HOMER1: variants seen among roughly 807,000 people sequenced by gnomAD.
HOMER1 encodes the protein homer protein homolog 1.
In HOMER1, 3 loss-of-function variants were observed where a neutral mutation model predicts 48.9. The ratio of observed to expected loss-of-function variants is 0.06; its 90% confidence interval spans 0.03 to 0.16. The LOEUF is 0.16. HOMER1 is among the 10% of genes least tolerant of loss of function. HOMER1 has a pLI of 1.00. For synonymous variants in HOMER1, 134 were observed against 146.4 expected (o/e 0.92, Z 0.61); for missense variants, 247 against 411.4 (o/e 0.60, Z 3.46).
At chr5:79,506,849 CAA>C (rs895326142) in intron 1 of HOMER1, among the ~76,000 whole-genome samples, 1 of 135,216 alleles carries the variant, frequency 7.4e-6, no homozygotes, top group Non-Finnish European at 1.5e-5. Flanking sequence ...ACCAAACAAA[CAA>C]AAAAATATAT....
At chr5:79,448,622 T>G (rs1380435007) in intron 3 of HOMER1, among the ~76,000 whole-genome samples, 3 of 152,194 alleles carry the variant, frequency 2.0e-5, no homozygotes, top group Non-Finnish European at 4.4e-5. Flanking sequence ...ACCCTTATAA[T>G]GTTTTGACTT....
intron 8 of HOMER1, among the ~76,000 whole-genome samples, chr5:79,387,324 C>T (rs1389920683): frequency 2.6e-5 from 4 of 151,934 alleles, no homozygotes; most frequent in African/African-American, 9.7e-5. Context: ...AGATAGGGTC[C>T]TACTATGTTG....
At chr5:79,465,829 G>C (rs1240879190) in intron 1 of HOMER1, among the ~76,000 whole-genome samples, 1 of 151,884 alleles carries the variant, frequency 6.6e-6, no homozygotes, top group African/African-American at 2.4e-5. Context: ...TCCTGTCCTC[G>C]TGATCCGCCG....
At chr5:79,398,764 A>C (rs1749461144) in intron 6 of HOMER1, among the ~76,000 whole-genome samples, 1 of 152,162 alleles carries the variant, frequency 6.6e-6, no homozygotes, top group South Asian at 2.1e-4. Context: ...CACACTGCCC[A>C]AGATACTCAG....
chr5:79,503,516 G>A (rs1299797532), intron 1 of HOMER1, among the ~76,000 whole-genome samples: 1 of 131,266 alleles, frequency 7.6e-6, no homozygotes. Flanking sequence ...GTGACAGAGT[G>A]AGACTCTGTC....
chr5:79,444,032 GACCA>G (rs1310902810), intron 4 of HOMER1, among the ~76,000 whole-genome samples: 1 of 152,052 alleles, frequency 6.6e-6, no homozygotes, highest in East Asian at 1.9e-4. Context: ...CAAAAGCTTT[GACCA>G]ACCAAGTTTC....
chr5:79,440,661 C>T (rs1297535654), intron 4 of HOMER1, among the ~76,000 whole-genome samples: 1 of 152,160 alleles, frequency 6.6e-6, no homozygotes, highest in African/African-American at 2.4e-5. Context: ...AAAGTGACTA[C>T]TTCTAGGTCA....
chr5:79,496,112 A>G (rs1209511554), intron 1 of HOMER1, among the ~76,000 whole-genome samples: 1 of 152,236 alleles, frequency 6.6e-6, no homozygotes. Flanking sequence ...CAAGGAAACT[A>G]TAATAAAAGT....
chr5:79,508,576 A>T (rs1752843985), intron 1 of HOMER1, among the ~76,000 whole-genome samples: 1 of 151,940 alleles, frequency 6.6e-6, no homozygotes, highest in Non-Finnish European at 1.5e-5. Flanking sequence ...GTCATGCCAA[A>T]CTCCTTTGCA....
chr5:79,491,501 T>C (rs983933267), intron 1 of HOMER1, among the ~76,000 whole-genome samples: 2 of 150,358 alleles, frequency 1.3e-5, no homozygotes, highest in South Asian at 2.1e-4. Context: ...ACTAGAAATG[T>C]AACTGAATAC....
chr5:79,432,878 T>C (rs1381958933), intron 5 of HOMER1, among the ~76,000 whole-genome samples: 2 of 152,238 alleles, frequency 1.3e-5, no homozygotes, highest in African/African-American at 4.8e-5. Flanking sequence ...TGTTAAGTTA[T>C]GATCTCTCAC....
chr5:79,420,259 C>G (rs1295859142), intron 5 of HOMER1, among the ~76,000 whole-genome samples: 1 of 152,134 alleles, frequency 6.6e-6, no homozygotes, highest in Admixed American at 6.5e-5. Context: ...GTGAACAATT[C>G]TCTCATTTAT....
chr5:79,495,167 T>C (rs143453501), intron 1 of HOMER1, among the ~76,000 whole-genome samples: 1,976 of 152,302 alleles, frequency 0.013, 20 homozygotes, highest in Non-Finnish European at 0.021. Context: ...CAAAAATATT[T>C]GAAAACCATT....
chr5:79,467,028 G>A (rs1478177294), intron 1 of HOMER1, among the ~76,000 whole-genome samples: 1 of 152,080 alleles, frequency 6.6e-6, no homozygotes, highest in Non-Finnish European at 1.5e-5. Context: ...TTGATCTTGT[G>A]ATCTGCCTGC....
chr5:79,468,655 T>C (rs571594082), intron 1 of HOMER1, among the ~76,000 whole-genome samples: 2 of 152,356 alleles, frequency 1.3e-5, no homozygotes, highest in South Asian at 4.1e-4. Flanking sequence ...TTTTGCACTG[T>C]TACAAAATAG....
chr5:79,477,612 G>T (rs761562453), intron 1 of HOMER1, among the ~76,000 whole-genome samples: 1 of 152,164 alleles, frequency 6.6e-6, no homozygotes, highest in African/African-American at 2.4e-5. Context: ...AAGAGTAATC[G>T]ATACAACTAA....
intron 5 of HOMER1, among the ~76,000 whole-genome samples, chr5:79,423,959 A>G (rs1750174419): frequency 6.6e-6 from 1 of 152,102 alleles, no homozygotes. Context: ...ATGACAGACC[A>G]TTGTATTATT....
At position 79,438,957 on chromosome 5, in the gene HOMER1, C is replaced by T. The variant is rs1453477654; in HGVS notation, c.527+53G>A. 49 of 1,484,032 alleles carry T rather than the reference C, an allele frequency of 3.3e-5. 1 individual carries two copies. The highest frequency in any genetic ancestry group is 4.5e-5 in the Non-Finnish European group (49 of 1,085,546). 91.9% of individuals were successfully genotyped at this position (1,484,032 alleles called of 1,614,324 possible). Reference sequence around the variant, plus strand: ...AACTACAAGGGTTCCTGAAACCAAACATTTCCATATTTACACATTTACTTA... The same window carrying T: ...AACTACAAGGGTTCCTGAAACCAAATATTTCCATATTTACACATTTACTTA... On this transcript the variant is annotated intron_variant, in intron 5 of 8. Transcript: ENST00000334082.
chr5:79,451,320 ACT>A (rs1190178147), intron 2 of HOMER1, among the ~76,000 whole-genome samples, 199 bp from the exon 3 acceptor site: 3 of 152,064 alleles, frequency 2.0e-5, no homozygotes, highest in Non-Finnish European at 4.4e-5. Context: ...ATATGATGAC[ACT>A]CTATCAAAAA....
Sources: gnomAD v4.1 joint callset for allele counts (sites outside exome capture counted in the v4.1 genomes callset) on GRCh38, gnomAD v4.1.1 for gene constraint, MANE v1.5 for transcripts, NCBI Gene and HGNC (gene_info 2026-07-23, HGNC 2026-07-21) for gene names.